The following MAN1A1 variants were observed in gnomAD, a reference collection of about 807,000 sequenced individuals.
MAN1A1 encodes mannosidase alpha class 1A member 1, also known as mannosyl-oligosaccharide 1,2-alpha-mannosidase IA.
Under a neutral mutation model 70.8 loss-of-function variants are expected in MAN1A1, and 29 were observed. The ratio of observed to expected loss-of-function variants is 0.41; its 90% CI spans 0.31 to 0.56. The LOEUF (loss-of-function observed/expected upper bound fraction) is 0.56. MAN1A1 is among the 20% of genes least tolerant of loss of function. The pLI is 0.29. For synonymous variants in MAN1A1, 349 were observed against 330.1 expected (o/e 1.06, Z -0.62); for missense variants, 747 against 841.3 (o/e 0.89, Z 1.39).
chr6:119,282,061 C>T (rs750027423), intron 5 of MAN1A1, among the ~76,000 whole-genome samples: 2 of 152,004 alleles, frequency 1.3e-5, no homozygotes, highest in African/African-American at 4.8e-5. Flanking sequence ...AGCAAGACTC[C>T]GTCTCAGAAA....
intron 6 of MAN1A1, among the ~76,000 whole-genome samples, chr6:119,237,891 T>TA (rs1774898331): frequency 6.6e-6 from 1 of 152,160 alleles, no homozygotes; most frequent in Non-Finnish European, 1.5e-5. Flanking sequence ...CTTAAAAAGA[T>TA]AGAGTTATAT....
chr6:119,272,783 G>A (rs914758704), intron 5 of MAN1A1, among the ~76,000 whole-genome samples: 1 of 152,106 alleles, frequency 6.6e-6, no homozygotes, highest in Non-Finnish European at 1.5e-5. Flanking sequence ...ACTATCAGCA[G>A]CCTTTGTCTT....
intron 11 of MAN1A1, among the ~76,000 whole-genome samples, chr6:119,186,360 T>C (rs558334477): frequency 6.6e-6 from 1 of 152,236 alleles, no homozygotes; most frequent in East Asian, 1.9e-4. Flanking sequence ...AGACAAGGGT[T>C]GGACGCAGGA....
intron 5 of MAN1A1, among the ~76,000 whole-genome samples, chr6:119,262,853 G>C (rs1775647405): frequency 6.6e-6 from 1 of 152,162 alleles, no homozygotes; most frequent in East Asian, 1.9e-4. Flanking sequence ...TTGGACTGAG[G>C]GATACAAAGT....
intron 5 of MAN1A1, among the ~76,000 whole-genome samples, chr6:119,275,906 T>C (rs1776050998): frequency 6.6e-6 from 1 of 152,250 alleles, no homozygotes; most frequent in Non-Finnish European, 1.5e-5. Context: ...CCCATTTCTG[T>C]CATGTCCTAT....
intron 5 of MAN1A1, among the ~76,000 whole-genome samples, chr6:119,263,993 C>G (rs6931089): frequency 6.6e-6 from 1 of 152,162 alleles, no homozygotes; most frequent in Non-Finnish European, 1.5e-5. Context: ...TTAGAACATG[C>G]TTTCCTAAAG....
At chr6:119,254,004 C>T (rs933093313) in intron 5 of MAN1A1, among the ~76,000 whole-genome samples, 7 of 152,174 alleles carry the variant, frequency 4.6e-5, no homozygotes, top group Non-Finnish European at 1.0e-4. Context: ...TTATCTCCTC[C>T]TGAGCTCTGA....
intron 5 of MAN1A1, among the ~76,000 whole-genome samples, chr6:119,277,034 G>T (rs1428910012): frequency 1.3e-5 from 2 of 152,062 alleles, no homozygotes; most frequent in Non-Finnish European, 2.9e-5. Context: ...ATCTCTATTT[G>T]TACTACTTCA....
At chr6:119,201,738 T>C (rs551066185) in intron 7 of MAN1A1, among the ~76,000 whole-genome samples, 3 of 152,214 alleles carry the variant, frequency 2.0e-5, no homozygotes, top group Non-Finnish European at 2.9e-5. Flanking sequence ...ACAAATGTAG[T>C]TGGCACAGCC....
At chr6:119,266,300 A>C (rs923054346) in intron 5 of MAN1A1, among the ~76,000 whole-genome samples, 5 of 152,186 alleles carry the variant, frequency 3.3e-5, no homozygotes, top group African/African-American at 1.2e-4. Flanking sequence ...ATTTCTGACA[A>C]TGATTGACAC....
chr6:119,307,525 G>C (rs553788103), intron 2 of MAN1A1, among the ~76,000 whole-genome samples: 24 of 152,100 alleles, frequency 1.6e-4, no homozygotes, highest in Non-Finnish European at 3.4e-4. Flanking sequence ...AAATAACACT[G>C]TGATTATGCC....
At chr6:119,225,538 G>T (rs1176361047) in intron 6 of MAN1A1, among the ~76,000 whole-genome samples, 1 of 152,134 alleles carries the variant, frequency 6.6e-6, no homozygotes, top group East Asian at 1.9e-4. Context: ...TAAAAAACCA[G>T]CAAACACAAG....
chr6:119,211,350 G>C (rs541027579), intron 6 of MAN1A1, among the ~76,000 whole-genome samples: 10 of 152,324 alleles, frequency 6.6e-5, no homozygotes, highest in African/African-American at 1.9e-4. Context: ...TGTAGCCAGT[G>C]TGGCCAGTAT....
chr6:119,222,797 T>C (rs1428011094), intron 6 of MAN1A1, among the ~76,000 whole-genome samples: 1 of 152,230 alleles, frequency 6.6e-6, no homozygotes, highest in Non-Finnish European at 1.5e-5. Flanking sequence ...GGGCAGTGTT[T>C]GGGAGTGAGG....
chr6:119,242,054 A>G (rs958878164), intron 6 of MAN1A1, among the ~76,000 whole-genome samples: 2 of 151,908 alleles, frequency 1.3e-5, no homozygotes, highest in Admixed American at 1.3e-4. Context: ...CAAAGCAACC[A>G]GAACAGTCAG....
intron 7 of MAN1A1, among the ~76,000 whole-genome samples, chr6:119,203,540 G>A (rs1463534140): frequency 1.3e-5 from 2 of 152,094 alleles, no homozygotes; most frequent in Admixed American, 1.3e-4. Context: ...CTGAGGGGGT[G>A]AGGAAGGGGT....
intron 4 of MAN1A1, among the ~76,000 whole-genome samples, chr6:119,298,080 G>A (rs1038093649): frequency 3.3e-5 from 5 of 152,116 alleles, no homozygotes; most frequent in African/African-American, 1.2e-4. Context: ...AAGATACTTA[G>A]TAAATAACAC....
In MAN1A1 at chr6:119,348,365, T is replaced by C. The variant is rs756874900; in HGVS notation, c.603+98A>G. On this transcript the variant is annotated intron_variant, in intron 2 of 12. Transcript: ENST00000368468. ...GAAGGGGCAAACCTCCATCTCCCCATACATTGCATTGTTGCAGTCTTCAGA... is the reference window on the plus strand; with the variant it reads ...GAAGGGGCAAACCTCCATCTCCCCACACATTGCATTGTTGCAGTCTTCAGA... The C allele has an allele frequency of 2.5e-4, 299 of 1,220,124 alleles. 3 individuals carry two copies. Among genetic ancestry groups the C allele is most frequent in the Non-Finnish European group, 3.0e-4 (268 of 883,070 alleles). The allele number at this position is 1,220,124 out of a possible 1,614,324, so 75.6% of individuals were successfully genotyped here. A position where few individuals can be genotyped will look rare whatever the true frequency, so the allele number is the denominator to read the frequency against.
At chr6:119,194,901 C>T (rs190935933) in intron 8 of MAN1A1, among the ~76,000 whole-genome samples, 225 of 151,600 alleles carry the variant, frequency 1.5e-3, no homozygotes, top group African/African-American at 3.7e-3. Context: ...GGTGCGATCT[C>T]GGCTCATGGC....
Sources: gnomAD v4.1 joint callset for allele counts (sites outside exome capture counted in the v4.1 genomes callset) on GRCh38, gnomAD v4.1.1 for gene constraint, MANE v1.5 for transcripts, NCBI Gene and HGNC (gene_info 2026-07-23, HGNC 2026-07-21) for gene names.